The following EPB41 variants were observed in gnomAD, a reference collection of about 807,000 sequenced individuals.
EPB41 encodes the protein erythrocyte membrane protein band 4.1, also known as protein 4.1.
EPB41 carries 65 observed loss-of-function variants against 108.0 expected under a neutral mutation model. The ratio of observed to expected loss-of-function variants is 0.60; its 90% CI spans 0.49 to 0.74. EPB41 has a LOEUF of 0.74. Among genes scored for constraint, EPB41 ranks in the 30% least tolerant of loss-of-function variants. The pLI is 0.00. For synonymous variants in EPB41, 336 were observed against 358.9 expected (o/e 0.94, Z 0.72); for missense variants, 875 against 1,037.0 (o/e 0.84, Z 2.15).
intron 16 of EPB41, among the ~76,000 whole-genome samples, chr1:29,095,013 A>T (rs924022904): frequency 4.6e-5 from 7 of 152,246 alleles, no homozygotes; most frequent in Admixed American, 4.6e-4. Context: ...TTGTTATACT[A>T]TATTCTTTAG....
chr1:29,034,973 G>GTTTTTTTTTTTTT (rs10580931), intron 9 of EPB41, among the ~76,000 whole-genome samples: 7 of 87,190 alleles, frequency 8.0e-5, no homozygotes, highest in Non-Finnish European at 8.9e-5. Flanking sequence ...TTTGTTTGTT[G>GTTTTTTTTTTTTT]TTTTTTTTTT....
chr1:28,900,022 G>A (rs778777487), intron 1 of EPB41, among the ~76,000 whole-genome samples: 3 of 152,156 alleles, frequency 2.0e-5, no homozygotes, highest in Non-Finnish European at 4.4e-5. Flanking sequence ...TTTGTATGAA[G>A]TACTCAGTCC....
chr1:29,106,450 AT>A (rs1667164524), intron 17 of EPB41, among the ~76,000 whole-genome samples: 1 of 144,818 alleles, frequency 6.9e-6, no homozygotes, highest in African/African-American at 2.6e-5. Flanking sequence ...TTTATTTTTT[AT>A]TTTATTTATT....
At chr1:29,022,737 A>G (rs1339701064) in intron 7 of EPB41, among the ~76,000 whole-genome samples, 1 of 152,024 alleles carries the variant, frequency 6.6e-6, no homozygotes, top group Admixed American at 6.5e-5. Context: ...AAAAGAAAAA[A>G]GAGTGTTTTA....
rs549125792 is a variant in EPB41 at position 29,067,480 on chromosome 1, A to G, written c.2184+2322A>G. ...CACTGCCCTTCAGCCTGGGCGACAG[A>G]GCGAGACTCTGTCTCAAAAAAAAAA... On this transcript the variant is annotated intron_variant, in intron 16 of 20. Coordinates refer to ENST00000343067, the MANE Select transcript of EPB41 (RefSeq NM_001376013.1). Among the ~76,000 whole-genome samples the G allele has an allele frequency of 2.3e-3, 248 of 105,562 alleles. 3 individuals are homozygous for G. Among genetic ancestry groups the G allele is most frequent in the African/African-American group, 8.9e-3 (228 of 25,500 alleles). 69.3% of individuals were successfully genotyped at this position (105,562 alleles called of 152,430 possible).
At chr1:29,079,558 G>T (rs903246409) in intron 16 of EPB41, among the ~76,000 whole-genome samples, 11 of 151,442 alleles carry the variant, frequency 7.3e-5, no homozygotes, top group African/African-American at 2.7e-4. Context: ...TTGCAGGCAC[G>T]TACCACCATG....
chr1:28,916,982 A>G (rs1570507002), intron 1 of EPB41, among the ~76,000 whole-genome samples: 1 of 151,896 alleles, frequency 6.6e-6, no homozygotes, highest in East Asian at 1.9e-4. Context: ...TTGTAGAGAC[A>G]GTCTCACTAT....
chr1:29,055,412 C>T (rs1311376902), intron 12 of EPB41, among the ~76,000 whole-genome samples: 1 of 152,136 alleles, frequency 6.6e-6, no homozygotes, highest in Non-Finnish European at 1.5e-5. Context: ...GACATAAATA[C>T]CTTCAACAAT....
At chr1:28,936,273 C>T (rs913384042) in intron 1 of EPB41, among the ~76,000 whole-genome samples, 99 of 152,254 alleles carry the variant, frequency 6.5e-4, no homozygotes, top group African/African-American at 2.4e-3. Context: ...GATAAGAAAA[C>T]TGTGGCCCCA....
intron 16 of EPB41, among the ~76,000 whole-genome samples, chr1:29,083,287 A>C (rs1657478728): frequency 6.6e-6 from 1 of 152,192 alleles, no homozygotes; most frequent in Non-Finnish European, 1.5e-5. Context: ...GAATTTTAAC[A>C]TCACCTTTTG....
At chr1:29,084,923 G>T (rs1238740053) in intron 16 of EPB41, among the ~76,000 whole-genome samples, 1 of 152,068 alleles carries the variant, frequency 6.6e-6, no homozygotes, top group African/African-American at 2.4e-5. Flanking sequence ...CCCAATTTTA[G>T]TTAAATCCAT....
intron 1 of EPB41, among the ~76,000 whole-genome samples, chr1:28,934,745 C>T (rs1347323048): frequency 6.7e-6 from 1 of 148,772 alleles, no homozygotes; most frequent in Non-Finnish European, 1.5e-5. Flanking sequence ...ACAAAATGCT[C>T]CAGGCTCATC....
chr1:29,099,117 G>A (rs1664323648), intron 17 of EPB41, among the ~76,000 whole-genome samples: 1 of 150,188 alleles, frequency 6.7e-6, no homozygotes, highest in African/African-American at 2.4e-5. Context: ...GACCGGCCTG[G>A]CCAACGTGGT....
At position 28,979,367 on chromosome 1, in the gene EPB41, T is replaced by C. The variant is rs1049107103; in HGVS notation, c.-7-8064T>C. Among the ~76,000 whole-genome samples, 15 of 151,522 alleles carry C rather than the reference T, an allele frequency of 9.9e-5. 2 individuals carry two copies. Among genetic ancestry groups the C allele is most frequent in the African/African-American group, 3.7e-4 (15 of 40,918 alleles). ...GAGTGTTTTGAAGACCATACAAGAA[T>C]TGAAAATGCATGCGAAAAATACAAG... On this transcript the variant is annotated intron_variant, in intron 1 of 20. Coordinates refer to ENST00000343067, the MANE Select transcript of EPB41 (RefSeq NM_001376013.1).
intron 1 of EPB41, among the ~76,000 whole-genome samples, chr1:28,983,729 A>G (rs2095809429): frequency 2.6e-5 from 4 of 152,142 alleles, no homozygotes; most frequent in Admixed American, 1.3e-4. Flanking sequence ...CAGTATCTGC[A>G]TCCCTCCAAG....
At chr1:28,925,217 C>T (rs1170992218) in intron 1 of EPB41, among the ~76,000 whole-genome samples, 3 of 152,114 alleles carry the variant, frequency 2.0e-5, no homozygotes, top group Non-Finnish European at 4.4e-5. Context: ...CCCACCTCGG[C>T]CTCTCAAAAT....
chr1:29,058,547 CT>C, intron 12 of EPB41, 41 bp from the exon 13 acceptor site: 1 of 1,569,592 alleles, frequency 6.4e-7, no homozygotes. Context: ...TAGAAACCTA[CT>C]AACCTAAAAT....
chr1:29,051,088 GTTTTTTTTTTTTTTTT>G (rs71586885), intron 11 of EPB41, among the ~76,000 whole-genome samples: 7 of 51,576 alleles, frequency 1.4e-4, no homozygotes, highest in Non-Finnish European at 2.3e-4. Context: ...TTCTTTTTCT[GTTTTTTTTTTTTTTTT>G]TTTTTTTTTT....
intron 20 of EPB41, among the ~76,000 whole-genome samples, chr1:29,116,245 G>A (rs1198100532): frequency 6.9e-6 from 1 of 145,110 alleles, no homozygotes; most frequent in East Asian, 2.0e-4. Context: ...TCCGCCTCCC[G>A]GGTTCAAGGA....
Sources: gnomAD v4.1 joint callset for allele counts (sites outside exome capture counted in the v4.1 genomes callset) on GRCh38, gnomAD v4.1.1 for gene constraint, MANE v1.5 for transcripts, NCBI Gene and HGNC (gene_info 2026-07-23, HGNC 2026-07-21) for gene names.